The following CTNNA1 variants were observed in gnomAD, a reference collection of about 807,000 sequenced individuals.
CTNNA1 encodes the protein catenin alpha 1, also known as catenin alpha-1.
Under a neutral mutation model 98.4 loss-of-function variants are expected in CTNNA1, and 37 were observed. The observed-to-expected ratio is 0.38, with a 90% CI of 0.29 to 0.49. The LOEUF (loss-of-function observed/expected upper bound fraction) is 0.49. CTNNA1 is among the 20% of genes least tolerant of loss of function. The pLI, the probability that CTNNA1 is intolerant of heterozygous loss-of-function variation, is 0.95. For synonymous variants in CTNNA1, 404 were observed against 413.2 expected (o/e 0.98, Z 0.27); for missense variants, 761 against 1,147.2 (o/e 0.66, Z 4.86).
intron 4 of CTNNA1, among the ~76,000 whole-genome samples, chr5:138,811,724 C>T (rs927483362): frequency 2.6e-5 from 4 of 151,974 alleles, no homozygotes; most frequent in Non-Finnish European, 4.4e-5. Flanking sequence ...GAGACCAGCC[C>T]GGCCAACACA....
At chr5:138,894,521 C>T (rs1756306934) in intron 9 of CTNNA1, among the ~76,000 whole-genome samples, 1 of 151,944 alleles carries the variant, frequency 6.6e-6, no homozygotes, top group Non-Finnish European at 1.5e-5. Context: ...GATCCTTCCA[C>T]CTTGGCCTCC....
chr5:138,914,889 T>A (rs2150212044), intron 10 of CTNNA1, among the ~76,000 whole-genome samples: 1 of 152,268 alleles, frequency 6.6e-6, no homozygotes, highest in East Asian at 1.9e-4. Flanking sequence ...GGCTCCTGCC[T>A]GTAATCCCAG....
chr5:138,894,683 T>C (rs1561675296), intron 9 of CTNNA1, among the ~76,000 whole-genome samples: 1 of 148,552 alleles, frequency 6.7e-6, no homozygotes. Flanking sequence ...GATTATGATT[T>C]TCTAGCACTA....
chr5:138,840,535 T>G (rs1581227133), intron 7 of CTNNA1, among the ~76,000 whole-genome samples: 2 of 152,352 alleles, frequency 1.3e-5, no homozygotes, highest in East Asian at 3.8e-4. Context: ...GGAGTAGGCT[T>G]TACTTTTTGG....
At chr5:138,820,748 A>AGG (rs77457440) in intron 5 of CTNNA1, among the ~76,000 whole-genome samples, 3 of 151,794 alleles carry the variant, frequency 2.0e-5, no homozygotes, top group Non-Finnish European at 1.5e-5. Context: ...TGTTGTTTTG[A>AGG]GGGGGGTGAA....
intron 7 of CTNNA1, among the ~76,000 whole-genome samples, chr5:138,865,002 CG>C (rs1316033819): frequency 2.0e-5 from 3 of 151,840 alleles, no homozygotes; most frequent in Non-Finnish European, 4.4e-5. Flanking sequence ...TTAGTAGAGA[CG>C]GGGTTTCACC....
At chr5:138,780,605 C>T (rs915409687) in intron 1 of CTNNA1, among the ~76,000 whole-genome samples, 2 of 150,460 alleles carry the variant, frequency 1.3e-5, no homozygotes, top group African/African-American at 2.4e-5. Context: ...GCAGCCTCTG[C>T]CTCCCGGGTT....
chr5:138,930,469 A>G lies in CTNNA1; in HGVS notation c.2011-4A>G, dbSNP rs767960624. On this transcript the variant is annotated splice_polypyrimidine_tract_variant and splice_region_variant and intron_variant, in intron 14 of 17. Transcript: ENST00000302763. Reference sequence around the variant, plus strand: ...GTAAGAGCTCTTTGTGCTTCTGATCACAGGCGATCATGGCTCAGCTTCCCC... The same window carrying G: ...GTAAGAGCTCTTTGTGCTTCTGATCGCAGGCGATCATGGCTCAGCTTCCCC... The G allele has an allele frequency of 6.2e-7, 1 of 1,605,750 alleles. No homozygotes were observed. Among genetic ancestry groups the G allele is most frequent in the East Asian group, 2.2e-5 (1 of 44,878 alleles).
At chr5:138,850,549 ATCT>A (rs912386738) in intron 7 of CTNNA1, among the ~76,000 whole-genome samples, 5 of 152,220 alleles carry the variant, frequency 3.3e-5, no homozygotes, top group African/African-American at 1.2e-4. Context: ...GGCATTTACC[ATCT>A]TCTTTCAAAT....
chr5:138,860,818 T>C (rs1389031104), intron 7 of CTNNA1, among the ~76,000 whole-genome samples: 6 of 152,176 alleles, frequency 3.9e-5, no homozygotes, highest in Non-Finnish European at 5.9e-5. Flanking sequence ...TGACAGCAAG[T>C]GTCAGAGAAC....
intron 9 of CTNNA1, among the ~76,000 whole-genome samples, chr5:138,902,808 G>C (rs552165872): frequency 6.6e-6 from 1 of 152,258 alleles, no homozygotes; most frequent in East Asian, 1.9e-4. Context: ...TCGTCTTAAG[G>C]CAGTGAAGCA....
chr5:138,884,841 C>A (rs1753684530), intron 7 of CTNNA1, among the ~76,000 whole-genome samples: 1 of 152,100 alleles, frequency 6.6e-6, no homozygotes. Flanking sequence ...CTGAATAAAT[C>A]AGTTTATTCC....
intron 11 of CTNNA1, among the ~76,000 whole-genome samples, chr5:138,923,153 CTTAACGGT>C (rs1485613340): frequency 6.6e-6 from 1 of 152,138 alleles, no homozygotes. Context: ...CAAGTTTCAT[CTTAACGGT>C]ATTGTGTTAG....
intron 16 of CTNNA1, chr5:138,931,163 C>CT: frequency 1.9e-6 from 1 of 519,218 alleles, no homozygotes; most frequent in South Asian, 2.2e-5. Flanking sequence ...GCTATTGTCT[C>CT]TTATGTCTCA....
chr5:138,785,377 A>C (rs2149663024), intron 3 of CTNNA1, among the ~76,000 whole-genome samples: 1 of 152,114 alleles, frequency 6.6e-6, no homozygotes, highest in South Asian at 2.1e-4. Context: ...ATTTTAAAGT[A>C]GTTTAATGGT....
intron 6 of CTNNA1, among the ~76,000 whole-genome samples, chr5:138,827,036 C>CA (rs1760795140): frequency 6.6e-6 from 1 of 152,244 alleles, no homozygotes; most frequent in Non-Finnish European, 1.5e-5. Context: ...TTCAATCTCT[C>CA]AAAGTGTTGA....
intron 3 of CTNNA1, among the ~76,000 whole-genome samples, chr5:138,799,411 C>T (rs1048219364): frequency 6.6e-6 from 1 of 152,136 alleles, no homozygotes; most frequent in Non-Finnish European, 1.5e-5. Flanking sequence ...CCACCCACCT[C>T]GGCCTTCCAA....
At chr5:138,826,443 C>T (rs1275780345) in intron 6 of CTNNA1, among the ~76,000 whole-genome samples, 4 of 152,048 alleles carry the variant, frequency 2.6e-5, no homozygotes, top group Non-Finnish European at 1.5e-5. Flanking sequence ...TTGAGGATGC[C>T]GATGTTTCAC....
intron 7 of CTNNA1, among the ~76,000 whole-genome samples, chr5:138,854,546 A>G (rs1763550916): frequency 6.6e-6 from 1 of 152,246 alleles, no homozygotes; most frequent in African/African-American, 2.4e-5. Context: ...GAACAGTTCA[A>G]CAGACTCCTC....
Sources: gnomAD v4.1 joint callset for allele counts (sites outside exome capture counted in the v4.1 genomes callset) on GRCh38, gnomAD v4.1.1 for gene constraint, MANE v1.5 for transcripts, NCBI Gene and HGNC (gene_info 2026-07-23, HGNC 2026-07-21) for gene names.